Variants in ALDH9A1 observed in about 807,000 individuals in gnomAD.
ALDH9A1 encodes aldehyde dehydrogenase 9 family member A1.
A neutral mutation model predicts 56.6 loss-of-function variants in ALDH9A1; 42 were observed. The observed-to-expected ratio is 0.74, with a 90% confidence interval of 0.58 to 0.96. The LOEUF (loss-of-function observed/expected upper bound fraction) is 0.96. ALDH9A1 is among the 40% of genes least tolerant of loss of function. ALDH9A1 has a pLI of 0.00. For synonymous variants in ALDH9A1, 242 were observed against 236.0 expected, an observed-to-expected ratio of 1.03 and a Z score of -0.23; for missense variants, 661 against 651.5, an observed-to-expected ratio of 1.01 and a Z score of -0.16.
rs1290129835 is a variant in ALDH9A1, at chr1:165,679,456, G to A, written c.916C>T (p.Leu306Phe). ...CAGGTACATACCTGGCCTTGTGTGA[G>A]GAAGTTGGCCATCAGCGCCCCCTTT... ...AVKGALMANF[L>F]TQGQVCCNGT... Residue 306 changes from leucine (L) to phenylalanine (F), a missense_variant, in exon 6 of 11, where the codon CTC becomes TTC. Transcript: ENST00000354775. 1 of 1,614,148 alleles carries A rather than the reference G, an allele frequency of 6.2e-7. No individual in the cohort carries two copies. The highest frequency in any genetic ancestry group is 1.3e-5 in the African/African-American group (1 of 75,050).
chr1:165,689,763 GTCTCT>G, intron 2 of ALDH9A1, among the ~76,000 whole-genome samples: 1 of 151,974 alleles, frequency 6.6e-6, no homozygotes, highest in East Asian at 2.0e-4. Context: ...GGGAAACTCT[GTCTCT>G]ACTAAAAATA....
intron 2 of ALDH9A1, among the ~76,000 whole-genome samples, chr1:165,687,082 G>C (rs1478610581): frequency 1.3e-5 from 2 of 151,958 alleles, no homozygotes; most frequent in Admixed American, 6.6e-5. Context: ...CACTATAGAA[G>C]ACCGATGAAC....
At chr1:165,676,181 C>T (rs1649349855) in intron 6 of ALDH9A1, 1 of 153,154 alleles carries the variant, frequency 6.5e-6, no homozygotes, top group Non-Finnish European at 1.5e-5. Context: ...TCTGAGAGGG[C>T]CTAGAAGCAA....
intron 2 of ALDH9A1, among the ~76,000 whole-genome samples, chr1:165,688,438 T>C (rs1649779777): frequency 6.6e-6 from 1 of 152,236 alleles, no homozygotes; most frequent in Non-Finnish European, 1.5e-5. Flanking sequence ...ATGGTAAATA[T>C]GTGGACAAAT....
At chr1:165,684,253 C>T (rs10800129) in intron 2 of ALDH9A1, among the ~76,000 whole-genome samples, 102,658 of 152,084 alleles carry the variant, frequency 0.68, 35,041 homozygotes, top group East Asian at 0.98. Context: ...GTCCTGTCTA[C>T]CCCTTTAAGA....
chr1:165,667,482 G>T, intron 8 of ALDH9A1, 32 bp from the exon 9 acceptor site: 5 of 1,609,622 alleles, frequency 3.1e-6, no homozygotes, highest in Non-Finnish European at 4.2e-6. Flanking sequence ...CTCCTGAGCA[G>T]CTGGGACCAC....
At chr1:165,694,849 G>A (rs938869503) in intron 2 of ALDH9A1, among the ~76,000 whole-genome samples, 1 of 151,898 alleles carries the variant, frequency 6.6e-6, no homozygotes, top group African/African-American at 2.4e-5. Flanking sequence ...CCAGCTACTT[G>A]GGAAGCTGAG....
intron 2 of ALDH9A1, among the ~76,000 whole-genome samples, chr1:165,694,999 A>G (rs1377493197): frequency 6.6e-6 from 1 of 152,092 alleles, no homozygotes; most frequent in African/African-American, 2.4e-5. Context: ...GATGAGCTAT[A>G]AAGAGTGCAT....
chr1:165,682,845 G>T, intron 3 of ALDH9A1, 136 bp downstream of exon 3: 1 of 960,240 alleles, frequency 1.0e-6, no homozygotes, highest in Non-Finnish European at 1.5e-6. Context: ...TAATTCCCAG[G>T]CCACCCAGGT....
At chr1:165,692,840 C>T (rs1396851359) in intron 2 of ALDH9A1, among the ~76,000 whole-genome samples, 2 of 152,052 alleles carry the variant, frequency 1.3e-5, no homozygotes, top group African/African-American at 4.8e-5. Context: ...GTAACCAAAA[C>T]AGCATGGTAC....
chr1:165,688,909 A>G (rs1022315202), intron 2 of ALDH9A1, among the ~76,000 whole-genome samples: 3 of 152,234 alleles, frequency 2.0e-5, no homozygotes, highest in Non-Finnish European at 4.4e-5. Context: ...TGGGTTTTTG[A>G]TTAATAAAAC....
At chr1:165,679,818 C>T (rs1407350224) in intron 5 of ALDH9A1, among the ~76,000 whole-genome samples, 1 of 152,132 alleles carries the variant, frequency 6.6e-6, no homozygotes, top group Non-Finnish European at 1.5e-5. Flanking sequence ...ATTGTCCCAG[C>T]CTGGGCAACA....
intron 8 of ALDH9A1, 37 bp from the exon 9 acceptor site, chr1:165,667,487 G>A: frequency 1.1e-5 from 18 of 1,607,836 alleles, no homozygotes; most frequent in Non-Finnish European, 1.5e-5. Flanking sequence ...GAGCAGCTGG[G>A]ACCACAGTGT....
At chr1:165,696,779 A>C (rs1448678207) in intron 1 of ALDH9A1, among the ~76,000 whole-genome samples, 1 of 152,208 alleles carries the variant, frequency 6.6e-6, no homozygotes, top group Non-Finnish European at 1.5e-5. Context: ...CAAATCTGCA[A>C]TTTCTGTTAC....
At chr1:165,693,461 A>G (rs1649959723) in intron 2 of ALDH9A1, among the ~76,000 whole-genome samples, 1 of 152,252 alleles carries the variant, frequency 6.6e-6, no homozygotes, top group Admixed American at 6.5e-5. Context: ...GACACATGAA[A>G]AAATGCTCAT....
Position 165,695,537 on chromosome 1 carries a change from C to G in ALDH9A1, c.182-140G>C, listed in dbSNP as rs146056535. On this transcript the variant is annotated intron_variant, in intron 1 of 10. Coordinates refer to ENST00000354775, the MANE Select transcript of ALDH9A1 (RefSeq NM_000696.4). ...TTGAGATGGAGTCTTGCTCTGTCAC[C>G]CAGGCTGGAGTGCAGTGGCGCGATC... is the stretch of plus-strand genomic sequence containing the variant. The G allele has an allele frequency of 1.7e-3, 1,508 of 899,908 alleles. 18 individuals are homozygous for G. In the African/African-American group the frequency reaches 0.023, roughly 14 times the overall value. The allele number at this position is 899,908 out of a possible 1,614,324, so 55.7% of individuals were successfully genotyped here. A position where few individuals can be genotyped will look rare whatever the true frequency, so the allele number is the denominator to read the frequency against.
intron 2 of ALDH9A1, among the ~76,000 whole-genome samples, chr1:165,685,764 T>A (rs1649690991): frequency 6.6e-6 from 1 of 152,184 alleles, no homozygotes; most frequent in Non-Finnish European, 1.5e-5. Flanking sequence ...TACCCAAGGA[T>A]GTACCATGAT....
chr1:165,679,302 A>T, intron 6 of ALDH9A1, 140 bp downstream of exon 6: 2 of 898,156 alleles, frequency 2.2e-6, no homozygotes, highest in Non-Finnish European at 3.3e-6. Context: ...TCTGGTTCAA[A>T]GGTACATGGG....
chr1:165,689,589 C>T (rs1355166477), intron 2 of ALDH9A1, among the ~76,000 whole-genome samples: 1 of 152,184 alleles, frequency 6.6e-6, no homozygotes, highest in Admixed American at 6.5e-5. Context: ...AGGGATCTCA[C>T]CTGGTTCTCA....
Sources: allele counts gnomAD v4.1 joint callset (sites outside exome capture counted in the v4.1 genomes callset), GRCh38; gene constraint gnomAD v4.1.1; transcripts MANE v1.5; gene names NCBI Gene and HGNC (gene_info 2026-07-23, HGNC 2026-07-21).